The following VEPH1 variants were observed in gnomAD, a reference collection of about 807,000 sequenced individuals.
The protein encoded by VEPH1 is ventricular zone-expressed PH domain-containing protein homolog 1.
A neutral mutation model predicts 85.2 loss-of-function variants in VEPH1; 80 were observed. The ratio of observed to expected loss-of-function variants is 0.94; its 90% CI spans 0.78 to 1.13. The LOEUF (loss-of-function observed/expected upper bound fraction) is 1.13, where lower values mean the gene tolerates loss of function less well. Ranked by LOEUF, VEPH1 falls within the 50% of genes most tolerant of loss-of-function variation. The pLI, the probability that VEPH1 is intolerant of heterozygous loss-of-function variation, is 0.00. For missense variants in VEPH1, 955 were observed against 980.5 expected (o/e 0.97, Z 0.35); for synonymous variants, 297 against 348.0 (o/e 0.85, Z 1.63).
At chr3:157,406,519 C>T (rs1470669648) in intron 6 of VEPH1, among the ~76,000 whole-genome samples, 4 of 152,102 alleles carry the variant, frequency 2.6e-5, no homozygotes, top group African/African-American at 9.7e-5. Flanking sequence ...CACTTCTTTA[C>T]TTGAAAAGTG....
At chr3:157,436,953 T>A in intron 4 of VEPH1, 1 of 1,613,740 alleles carries the variant, frequency 6.2e-7, no homozygotes. Context: ...CTTGCGATTC[T>A]GTTTTGTGCT....
chr3:157,281,361 A>G (rs1037115324), intron 12 of VEPH1, among the ~76,000 whole-genome samples: 5 of 152,174 alleles, frequency 3.3e-5, no homozygotes, highest in African/African-American at 9.7e-5. Flanking sequence ...CATAATCAAT[A>G]TATACTCAGT....
At chr3:157,369,704 A>G (rs1306939620) in intron 7 of VEPH1, among the ~76,000 whole-genome samples, 2 of 152,236 alleles carry the variant, frequency 1.3e-5, no homozygotes, top group South Asian at 2.1e-4. Context: ...TATCATAAAC[A>G]TTCCCTTTCC....
chr3:157,297,736 A>G (rs1718307726), intron 11 of VEPH1, among the ~76,000 whole-genome samples: 1 of 152,120 alleles, frequency 6.6e-6, no homozygotes, highest in Non-Finnish European at 1.5e-5. Context: ...TTGTGTAGAA[A>G]GGAGGGAATA....
In VEPH1 at chr3:157,261,095, G is replaced by A; in HGVS notation, c.*39C>T. ...TTGACATTGGCAATGATAATACAAT[G>A]CCTGTGGTGTATAATTGTCATGGCT... On this transcript the variant is annotated 3_prime_UTR_variant, in exon 14 of 14. Transcript: ENST00000362010. 6.2e-7 allele frequency: 1 copy of A among 1,610,304 alleles called. No individual in the cohort carries two copies.
intron 4 of VEPH1, chr3:157,459,561 T>C (rs1195413427): frequency 1.8e-6 from 2 of 1,087,946 alleles, no homozygotes; most frequent in African/African-American, 3.3e-5. Flanking sequence ...GACTTCAAGT[T>C]CAAAAACATG....
At chr3:157,419,803 C>T (rs1732193863) in intron 5 of VEPH1, among the ~76,000 whole-genome samples, 1 of 152,012 alleles carries the variant, frequency 6.6e-6, no homozygotes, top group South Asian at 2.1e-4. Context: ...ACCATTTGAC[C>T]CAACAATCTC....
chr3:157,323,131 T>C (rs1721530653), intron 9 of VEPH1, among the ~76,000 whole-genome samples: 1 of 152,192 alleles, frequency 6.6e-6, no homozygotes, highest in South Asian at 2.1e-4. Flanking sequence ...AGACTAAAAC[T>C]CTATTCCTCC....
chr3:157,459,789 T>A (rs1735667346), intron 4 of VEPH1: 12 of 1,479,308 alleles, frequency 8.1e-6, no homozygotes, highest in Non-Finnish European at 1.1e-5. Context: ...CAAAAGACAT[T>A]TCTTGCTTTT....
intron 11 of VEPH1, among the ~76,000 whole-genome samples, chr3:157,288,501 ATT>A (rs5853779): frequency 8.6e-5 from 13 of 150,296 alleles, no homozygotes; most frequent in Admixed American, 2.6e-4. Context: ...ACAGAAACAT[ATT>A]TTTTTTTTTC....
chr3:157,501,644 T>C (rs1560117403), intron 1 of VEPH1, among the ~76,000 whole-genome samples: 1 of 152,212 alleles, frequency 6.6e-6, no homozygotes, highest in Non-Finnish European at 1.5e-5. Flanking sequence ...CGCCACACTA[T>C]TGGGATACTG....
chr3:157,288,834 G>T (rs184402834), intron 11 of VEPH1, among the ~76,000 whole-genome samples: 3 of 152,244 alleles, frequency 2.0e-5, no homozygotes, highest in South Asian at 2.1e-4. Context: ...GACTCTTATG[G>T]CTTGTGTTCT....
intron 3 of VEPH1, among the ~76,000 whole-genome samples, chr3:157,464,599 A>G (rs1736192001): frequency 6.6e-6 from 1 of 152,218 alleles, no homozygotes; most frequent in Non-Finnish European, 1.5e-5. Context: ...ATTTAGCTGT[A>G]GAGGTTAAAC....
intron 6 of VEPH1, among the ~76,000 whole-genome samples, chr3:157,411,816 C>A (rs1486818405): frequency 6.6e-6 from 1 of 152,164 alleles, no homozygotes; most frequent in Admixed American, 6.5e-5. Context: ...CTCTCCTTCT[C>A]CTGGTACCCA....
intron 9 of VEPH1, among the ~76,000 whole-genome samples, chr3:157,348,259 G>A (rs987827916): frequency 1.3e-5 from 2 of 152,154 alleles, no homozygotes; most frequent in African/African-American, 4.8e-5. Flanking sequence ...CTTTCCTTAG[G>A]ATAAATGCCC....
At chr3:157,367,830 A>G (rs941733779) in intron 7 of VEPH1, among the ~76,000 whole-genome samples, 6 of 152,326 alleles carry the variant, frequency 3.9e-5, no homozygotes, top group South Asian at 2.1e-4. Context: ...TTTAAACTTC[A>G]AAACATATGA....
Position 157,438,035 on chromosome 3 carries a change from GCGCACACA to G in VEPH1, c.530-9555_530-9548del, listed in dbSNP as rs1416571898. The G allele has an allele frequency of 9.6e-4, 671 of 701,934 alleles. 5 individuals carry two copies. In the African/African-American group the frequency reaches 0.018, roughly 19 times the overall value. The allele number at this position is 701,934 out of a possible 1,614,324, so 43.5% of individuals were successfully genotyped here. ...TTTCATGGGAAGCGCGCGCGCGCGCGCGCACACACACACACACACACACACACACACAC... is the reference window on the plus strand; with the variant it reads ...TTTCATGGGAAGCGCGCGCGCGCGCGCACACACACACACACACACACACAC... On this transcript the variant is annotated intron_variant, in intron 4 of 13. Coordinates refer to ENST00000362010, the MANE Select transcript of VEPH1 (RefSeq NM_001167912.2).
chr3:157,335,894 C>G (rs1722918198), intron 9 of VEPH1, among the ~76,000 whole-genome samples: 1 of 152,162 alleles, frequency 6.6e-6, no homozygotes, highest in African/African-American at 2.4e-5. Flanking sequence ...TGGACTCATG[C>G]AGGGCGGTGG....
intron 11 of VEPH1, among the ~76,000 whole-genome samples, chr3:157,312,174 A>G: frequency 6.6e-6 from 1 of 152,232 alleles, no homozygotes; most frequent in East Asian, 1.9e-4. Flanking sequence ...ACAGTAAAAC[A>G]AGGACAGACA....
Sources: allele counts gnomAD v4.1 joint callset (sites outside exome capture counted in the v4.1 genomes callset), GRCh38; gene constraint gnomAD v4.1.1; transcripts MANE v1.5; gene names NCBI Gene and HGNC (gene_info 2026-07-23, HGNC 2026-07-21).